Variants in PELP1 observed in about 807,000 individuals in gnomAD.
The protein encoded by PELP1 is proline, glutamate and leucine rich protein 1, also known as proline-, glutamic acid- and leucine-rich protein 1.
Under a neutral mutation model 95.5 loss-of-function variants are expected in PELP1, and 32 were observed. That is an observed-to-expected ratio of 0.34 (90% CI 0.25 to 0.45). The LOEUF (loss-of-function observed/expected upper bound fraction) is 0.45. Ranked by LOEUF, PELP1 falls within the 20% of genes least tolerant of loss-of-function variation. PELP1 has a pLI of 1.00. For missense variants in PELP1, 1,358 were observed against 1,444.8 expected, an observed-to-expected ratio of 0.94 and a Z score of 0.97; for synonymous variants, 668 against 600.1, an observed-to-expected ratio of 1.11 and a Z score of -1.65.
intron 4 of PELP1, 32 bp downstream of exon 4, chr17:4,682,771 G>A: frequency 2.6e-6 from 4 of 1,540,974 alleles, no homozygotes; most frequent in African/African-American, 1.4e-5. Flanking sequence ...ACTGCGGGGG[G>A]CCATGGGGAA....
chr17:4,683,327 T>G (rs1322111802), intron 3 of PELP1, among the ~76,000 whole-genome samples: 2 of 150,880 alleles, frequency 1.3e-5, no homozygotes, highest in Non-Finnish European at 3.0e-5. Flanking sequence ...TTCACGCCAT[T>G]CTCCTGCCTC....
Position 4,672,928 on chromosome 17 carries a change from G to A in PELP1, c.2063C>T (p.Pro688Leu), listed in dbSNP as rs1414578558. ...GGGCACAGGGCCTGCTGAGGGCATG[G>A]GGCCTGCTGAAGGCATGGGGCCTGC... ...PSAGPMPSAG[P>L]MPSAGPVPSA... The change falls in exon 16 of 17, where the codon CCC (proline) becomes CTC (leucine). Residue 688 changes from proline to leucine, a missense_variant. Transcript: ENST00000572293. 6.2e-7 allele frequency: 1 copy of A among 1,610,900 alleles called. No individual in the cohort carries two copies. Among genetic ancestry groups the A allele is most frequent in the Non-Finnish European group, 8.5e-7 (1 of 1,177,894 alleles).
At position 4,671,540 on chromosome 17, in the gene PELP1, C is replaced by A. The variant is rs1296228000; in HGVS notation, c.3301-9G>T. 6.2e-7 allele frequency: 1 copy of A among 1,613,612 alleles called. No homozygotes were observed. Among genetic ancestry groups the A allele is most frequent in the Non-Finnish European group, 8.5e-7 (1 of 1,179,778 alleles). On this transcript the variant is annotated splice_polypyrimidine_tract_variant and intron_variant, in intron 16 of 16. Coordinates refer to ENST00000572293, the MANE Select transcript of PELP1 (RefSeq NM_014389.3). ...GCTGTGTCATCCTGCTCCTTTTAGG[C>A]ACAAAGATACAAGATTCAGAATAGT...
At chr17:4,686,374 C>T (rs1234445099) in intron 3 of PELP1, among the ~76,000 whole-genome samples, 2 of 152,188 alleles carry the variant, frequency 1.3e-5, no homozygotes, top group African/African-American at 2.4e-5. Flanking sequence ...CTGTATCGTT[C>T]TCATCAGTTC....
Position 4,671,743 on chromosome 17 carries a change from G to C in PELP1, c.3248C>G (p.Pro1083Arg). Residue 1083 changes from proline to arginine, a missense_variant, in exon 16 of 17, where the codon CCT becomes CGT. This residue lies in a region of PELP1 where 283 missense variants were observed against 284.1 expected (regional missense o/e 1.00). Coordinates refer to ENST00000572293, the MANE Select transcript of PELP1 (RefSeq NM_014389.3). Reference sequence around the variant, plus strand: ...CTCTGTCTCCATCTCTTCTTCTGCAGGTGTCTCTGGTGGGGGCTGCACCTT... The same window carrying C: ...CTCTGTCTCCATCTCTTCTTCTGCACGTGTCTCTGGTGGGGGCTGCACCTT... ...SDKVQPPPET[P>R]AEEEMETETE... 2 of 1,531,460 alleles carry C rather than the reference G, an allele frequency of 1.3e-6. No individual in the cohort carries two copies. The highest frequency in any genetic ancestry group is 1.7e-6 in the Non-Finnish European group (2 of 1,144,510). The allele number at this position is 1,531,460 out of a possible 1,614,324, so 94.9% of individuals were successfully genotyped here. A position where few individuals can be genotyped will look rare whatever the true frequency, so the allele number is the denominator to read the frequency against.
In PELP1 at chr17:4,670,304, C is replaced by G. The variant is rs753141404; in HGVS notation, c.*1135G>C. 7.2e-5 allele frequency: 11 copies of G among 151,758 alleles called. No individual in the cohort carries two copies. The highest frequency in any genetic ancestry group is 1.6e-4 in the Non-Finnish European group (11 of 67,926). 9.4% of individuals were successfully genotyped at this position (151,758 alleles called of 1,614,324 possible). A position where few individuals can be genotyped will look rare whatever the true frequency, so the allele number is the denominator to read the frequency against. On this transcript the variant is annotated 3_prime_UTR_variant, in exon 17 of 17. Coordinates refer to ENST00000572293, the MANE Select transcript of PELP1 (RefSeq NM_014389.3). ...TACGTTCATGATTCAACTGACTGAG[C>G]AAAAAAAACCACGGGGCCCCTAGTT...
chr17:4,670,059 G>A lies in PELP1; in HGVS notation c.*1380C>T, dbSNP rs2150550767. 1 of 152,318 alleles carries A rather than the reference G, an allele frequency of 6.6e-6. No individual in the cohort carries two copies. Among genetic ancestry groups the A allele is most frequent in the South Asian group, 2.1e-4 (1 of 4,824 alleles). 9.4% of individuals were successfully genotyped at this position (152,318 alleles called of 1,614,324 possible). A position where few individuals can be genotyped will look rare whatever the true frequency, so the allele number is the denominator to read the frequency against. On this transcript the variant is annotated 3_prime_UTR_variant, in exon 17 of 17. Transcript: ENST00000572293. ...GTAGATACGCAGTTTATAGGGATAA[G>A]AGTTAACATGACTAAATGTTAATTG...
Position 4,672,020 on chromosome 17 carries a change from A to G in PELP1, c.2971T>C (p.Ser991Pro). ...GGTTCTGGCTGCACCTTTGGGGGAGACTCAGGGGGAGGCAGAGCTGGAGGC... is the reference window on the plus strand; with the variant it reads ...GGTTCTGGCTGCACCTTTGGGGGAGGCTCAGGGGGAGGCAGAGCTGGAGGC... ...TLPPALPPPE[S>P]PPKVQPEPEP... The change falls in exon 16 of 17, where the codon TCT becomes CCT. Residue 991 changes from serine (S) to proline (P), a missense_variant. Transcript: ENST00000572293. 2.5e-6 allele frequency: 4 copies of G among 1,571,496 alleles called. No homozygotes were observed. The highest frequency in any genetic ancestry group is 3.4e-6 in the Non-Finnish European group (4 of 1,161,012).
chr17:4,698,691 G>T (rs1003714216), intron 1 of PELP1, among the ~76,000 whole-genome samples: 1 of 147,596 alleles, frequency 6.8e-6, no homozygotes, highest in South Asian at 2.1e-4. Context: ...ACAACTAAAT[G>T]CAACATGTGA....
chr17:4,695,435 C>T (rs966792972), intron 1 of PELP1, among the ~76,000 whole-genome samples: 1 of 151,966 alleles, frequency 6.6e-6, no homozygotes, highest in Non-Finnish European at 1.5e-5. Flanking sequence ...GAAACCAAGG[C>T]AGGCGAATCA....
At chr17:4,700,992 T>TAAAAAAAAAAAAAAAAAAA (rs34278447) in intron 1 of PELP1, among the ~76,000 whole-genome samples, 1 of 29,410 alleles carries the variant, frequency 3.4e-5, no homozygotes, top group African/African-American at 1.5e-4. Flanking sequence ...AAAGTTCCAC[T>TAAAAAAAAAAAAAAAAAAA]AAAAAAAAAA....
intron 3 of PELP1, among the ~76,000 whole-genome samples, chr17:4,683,445 C>T (rs1487292008): frequency 6.7e-6 from 1 of 150,258 alleles, no homozygotes; most frequent in East Asian, 1.9e-4. Flanking sequence ...TGGTCTCGAT[C>T]TCCGACCTCG....
chr17:4,692,310 A>G (rs991617380), intron 1 of PELP1, among the ~76,000 whole-genome samples: 3 of 152,070 alleles, frequency 2.0e-5, no homozygotes, highest in African/African-American at 7.2e-5. Flanking sequence ...TACTAAAAAT[A>G]CAAAAAATTA....
intron 3 of PELP1, among the ~76,000 whole-genome samples, chr17:4,689,934 G>C (rs1209809578): frequency 6.6e-6 from 1 of 152,202 alleles, no homozygotes; most frequent in East Asian, 1.9e-4. Context: ...GCTGAGGCAA[G>C]AGAATTGCTT....
rs1185892021 is a variant in PELP1, at chr17:4,675,133, T to G, written c.1220A>C (p.Asn407Thr). 1.9e-6 allele frequency: 3 copies of G among 1,613,826 alleles called. No homozygotes were observed. Among genetic ancestry groups the G allele is most frequent in the Middle Eastern group, 1.7e-4 (1 of 6,060 alleles). ...GGAATCTCTACCGATGCTCCAGGAA[T>G]TGAGGACCTGGGGAAGCAGGCGGCC... The part of the protein sequence containing the change: ...LIGRLLPQVL[N>T]SWSIGRDSLS... The change falls in exon 11 of 17, where the codon AAT (asparagine) becomes ACT (threonine). Residue 407 changes from asparagine (N) to threonine (T), a missense_variant. Physicochemically the swap from Asn to Thr is moderately conservative, Grantham distance 65. This residue lies in a region of PELP1 where 538 missense variants were observed against 628.1 expected (regional missense o/e 0.86). Coordinates refer to ENST00000572293, the MANE Select transcript of PELP1 (RefSeq NM_014389.3). The surrounding 1 kb of genome is among the most constrained non-coding windows in gnomAD (Gnocchi z 4.3).
At chr17:4,701,757 G>A (rs1192869336) in intron 1 of PELP1, among the ~76,000 whole-genome samples, 1 of 152,152 alleles carries the variant, frequency 6.6e-6, no homozygotes, top group Non-Finnish European at 1.5e-5. Flanking sequence ...TATCTACCTA[G>A]AGACGAGGAA....
chr17:4,675,466 A>C lies in PELP1; in HGVS notation c.1069-104T>G. On this transcript the variant is annotated intron_variant, in intron 9 of 16. Coordinates refer to ENST00000572293, the MANE Select transcript of PELP1 (RefSeq NM_014389.3). This position sits in a 1 kb window ranked among gnomAD's most constrained non-coding sequence, Gnocchi z 4.3. ...TTTACATATGTACACATAGGTAAGAAACCCAACCCCTGATCTCAGCTCTCC... is the reference window on the plus strand; with the variant it reads ...TTTACATATGTACACATAGGTAAGACACCCAACCCCTGATCTCAGCTCTCC... 1 of 782,120 alleles carries C rather than the reference A, an allele frequency of 1.3e-6. No homozygotes were observed. Among genetic ancestry groups the C allele is most frequent in the Non-Finnish European group, 2.2e-6 (1 of 456,678 alleles). 48.4% of individuals were successfully genotyped at this position (782,120 alleles called of 1,614,324 possible). A position where few individuals can be genotyped will look rare whatever the true frequency, so the allele number is the denominator to read the frequency against.
intron 13 of PELP1, 48 bp downstream of exon 13, chr17:4,674,462 T>G: frequency 6.4e-7 from 1 of 1,562,846 alleles, no homozygotes; most frequent in South Asian, 1.2e-5. Context: ...GGGGAAAGGA[T>G]GGGGTCCCGT....
At chr17:4,699,770 A>G (rs1342113682) in intron 1 of PELP1, among the ~76,000 whole-genome samples, 1 of 151,944 alleles carries the variant, frequency 6.6e-6, no homozygotes, top group Non-Finnish European at 1.5e-5. Flanking sequence ...CATTTTTAGT[A>G]AAGATGAGGT....
Sources: gnomAD v4.1 joint callset for allele counts (sites outside exome capture counted in the v4.1 genomes callset) on GRCh38, gnomAD v4.1.1 for gene constraint, gnomAD v4.1.1 regional missense constraint, Gnocchi (gnomAD v3.1) non-coding constraint, MANE v1.5 for transcripts, NCBI Gene and HGNC (gene_info 2026-07-23, HGNC 2026-07-21) for gene names.